The following SLC24A3 variants were observed in gnomAD, a reference collection of about 807,000 sequenced individuals.
SLC24A3 encodes the protein sodium/potassium/calcium exchanger 3.
Under a neutral mutation model 75.8 loss-of-function variants are expected in SLC24A3, and 28 were observed. The ratio of observed to expected loss-of-function variants is 0.37; its 90% CI spans 0.27 to 0.51. The LOEUF is 0.51. Among genes scored for constraint, SLC24A3 ranks in the 20% least tolerant of loss-of-function variants. SLC24A3 has a pLI of 0.94. For missense variants in SLC24A3, 663 were observed against 847.8 expected (o/e 0.78, Z 2.71); for synonymous variants, 372 against 334.1 (o/e 1.11, Z -1.24).
chr20:19,581,356 C>T (rs576153144), intron 4 of SLC24A3, among the ~76,000 whole-genome samples: 2 of 152,282 alleles, frequency 1.3e-5, no homozygotes, highest in South Asian at 4.1e-4. Flanking sequence ...CTTTCCCATG[C>T]AATTTTTTTG....
At chr20:19,284,801 T>C (rs544360143) in intron 2 of SLC24A3, among the ~76,000 whole-genome samples, 4 of 152,352 alleles carry the variant, frequency 2.6e-5, no homozygotes, top group African/African-American at 9.6e-5. Flanking sequence ...TATTCCCTGT[T>C]GGGGCATGAT....
At chr20:19,465,596 TGA>T (rs1208387305) in intron 2 of SLC24A3, among the ~76,000 whole-genome samples, 2 of 152,292 alleles carry the variant, frequency 1.3e-5, no homozygotes, top group East Asian at 3.9e-4. Context: ...AACTCATGCA[TGA>T]GTCTGGGGGC....
At chr20:19,664,942 G>A (rs192769581) in intron 7 of SLC24A3, among the ~76,000 whole-genome samples, 1 of 152,322 alleles carries the variant, frequency 6.6e-6, no homozygotes, top group African/African-American at 2.4e-5. Context: ...GCAGCAAATG[G>A]AGCAAGCCTA....
intron 8 of SLC24A3, among the ~76,000 whole-genome samples, chr20:19,669,811 G>A (rs1414567838): frequency 6.6e-6 from 1 of 152,194 alleles, no homozygotes; most frequent in Non-Finnish European, 1.5e-5. Context: ...GTACCCAGGT[G>A]AGGAGAGGAG....
At chr20:19,274,666 C>A (rs769441902) in intron 1 of SLC24A3, among the ~76,000 whole-genome samples, 59 of 152,212 alleles carry the variant, frequency 3.9e-4, no homozygotes, top group Non-Finnish European at 7.8e-4. Context: ...AGGGCCTCCA[C>A]TGCTCCCCTC....
At chr20:19,469,036 G>A (rs369666874) in intron 2 of SLC24A3, among the ~76,000 whole-genome samples, 4 of 152,268 alleles carry the variant, frequency 2.6e-5, no homozygotes, top group African/African-American at 4.8e-5. Flanking sequence ...ATGTCATGAC[G>A]TCGTTTATGA....
chr20:19,472,686 A>G (rs1211190370), intron 2 of SLC24A3, among the ~76,000 whole-genome samples: 1 of 152,198 alleles, frequency 6.6e-6, no homozygotes, highest in Non-Finnish European at 1.5e-5. Context: ...AAGACCTCCT[A>G]CACTGGCTTT....
At chr20:19,610,202 C>G (rs942092260) in intron 6 of SLC24A3, among the ~76,000 whole-genome samples, 1 of 152,166 alleles carries the variant, frequency 6.6e-6, no homozygotes, top group African/African-American at 2.4e-5. Flanking sequence ...TCTTCATTCT[C>G]CCCTTCTTTT....
chr20:19,650,995 GT>G (rs2032196140), intron 6 of SLC24A3, among the ~76,000 whole-genome samples: 1 of 152,182 alleles, frequency 6.6e-6, no homozygotes, highest in African/African-American at 2.4e-5. Context: ...TGCTGTAAAA[GT>G]TTCATTTTGG....
chr20:19,512,864 C>A (rs1031039844), intron 2 of SLC24A3, among the ~76,000 whole-genome samples: 16 of 152,188 alleles, frequency 1.1e-4, no homozygotes, highest in Non-Finnish European at 2.2e-4. Flanking sequence ...ACCCACTGTA[C>A]CCCTCGTTGA....
Position 19,356,852 on chromosome 20 carries a change from T to TTAATAATAATAATAATAATAATAA in SLC24A3, c.271+75767_271+75790dup, listed in dbSNP as rs11275262. 3.9e-4 allele frequency among the ~76,000 whole-genome samples: 58 copies of TTAATAATAATAATAATAATAATAA among 149,876 alleles called. 1 individual carries two copies. The highest frequency in any genetic ancestry group is 1.3e-3 in the African/African-American group (54 of 40,144). ...GTACTTCATATTCTCAGACTTTGCA[T>TTAATAATAATAATAATAATAATAA]TAATAATAATAATAATAATAATAAT... is the stretch of plus-strand genomic sequence containing the variant. On this transcript the variant is annotated intron_variant, in intron 2 of 16. Coordinates refer to ENST00000328041, the MANE Select transcript of SLC24A3 (RefSeq NM_020689.4).
chr20:19,297,653 A>G (rs1568582326), intron 2 of SLC24A3, among the ~76,000 whole-genome samples: 2 of 152,256 alleles, frequency 1.3e-5, no homozygotes, highest in African/African-American at 2.4e-5. Context: ...TATTGATGAC[A>G]TATACACCAT....
chr20:19,369,636 T>C (rs1173514575), intron 2 of SLC24A3, among the ~76,000 whole-genome samples: 1 of 152,208 alleles, frequency 6.6e-6, no homozygotes, highest in Non-Finnish European at 1.5e-5. Flanking sequence ...AAATAGAATG[T>C]CCTGTTCTGA....
At chr20:19,306,593 C>T (rs915718481) in intron 2 of SLC24A3, among the ~76,000 whole-genome samples, 5 of 151,992 alleles carry the variant, frequency 3.3e-5, no homozygotes, top group Admixed American at 1.3e-4. Context: ...AGTGAATTAT[C>T]GCAAGAACAG....
At chr20:19,252,017 A>G (rs1982671800) in intron 1 of SLC24A3, among the ~76,000 whole-genome samples, 1 of 152,046 alleles carries the variant, frequency 6.6e-6, no homozygotes, top group Non-Finnish European at 1.5e-5. Context: ...TAGACCACAG[A>G]TGGCCTTTCT....
intron 3 of SLC24A3, among the ~76,000 whole-genome samples, chr20:19,525,774 G>A (rs1301060751): frequency 6.6e-6 from 1 of 152,120 alleles, no homozygotes; most frequent in Non-Finnish European, 1.5e-5. Flanking sequence ...CTCAAAGAGG[G>A]GTAGACTTGC....
chr20:19,670,652 C>T (rs1191977683), intron 8 of SLC24A3, among the ~76,000 whole-genome samples: 1 of 152,228 alleles, frequency 6.6e-6, no homozygotes, highest in Admixed American at 6.5e-5. Context: ...CGTGACATCC[C>T]TTCAGAACCT....
intron 6 of SLC24A3, among the ~76,000 whole-genome samples, chr20:19,609,012 G>A (rs1382294089): frequency 3.3e-5 from 5 of 152,220 alleles, no homozygotes; most frequent in East Asian, 1.9e-4. Flanking sequence ...TCCATCCCAC[G>A]TACAAAGGCA....
chr20:19,547,017 T>A (rs1412292122), intron 3 of SLC24A3, among the ~76,000 whole-genome samples: 4 of 152,224 alleles, frequency 2.6e-5, no homozygotes, highest in Admixed American at 6.5e-5. Flanking sequence ...TCTGAAGGTG[T>A]TTATGACCAC....
Sources: gnomAD v4.1 joint callset for allele counts (sites outside exome capture counted in the v4.1 genomes callset) on GRCh38, gnomAD v4.1.1 for gene constraint, MANE v1.5 for transcripts, NCBI Gene and HGNC (gene_info 2026-07-23, HGNC 2026-07-21) for gene names.